Variants in RAB37 observed in about 807,000 individuals in gnomAD.
The protein encoded by RAB37 is RAB37, member RAS oncogene family.
In RAB37, 29 loss-of-function variants were observed where a neutral mutation model predicts 33.1. That is an observed-to-expected ratio of 0.88 (90% CI 0.65 to 1.20). The LOEUF is 1.20. RAB37 is among the 50% of genes most tolerant of loss of function. The pLI is 0.00. For synonymous variants in RAB37, 128 were observed against 119.5 expected (o/e 1.07, Z -0.47); for missense variants, 299 against 301.1 (o/e 0.99, Z 0.05).
At position 74,745,235 on chromosome 17, in the gene RAB37, G is replaced by A; in HGVS notation, c.567-71G>A. 1.3e-6 allele frequency: 2 copies of A among 1,548,284 alleles called. No individual in the cohort carries two copies. The highest frequency in any genetic ancestry group is 1.8e-6 in the Non-Finnish European group (2 of 1,121,392). On this transcript the variant is annotated intron_variant, in intron 8 of 8. Transcript: ENST00000392613. The surrounding 1 kb of genome is among the most constrained non-coding windows in gnomAD (Gnocchi z 4.5). ...CTGGGAGCACTGGGCCACTGGGAGA[G>A]GGGAGGGGGCGGCTCAGCTCCTCAC...
At chr17:74,707,333 C>A (rs368188829) in intron 1 of RAB37, among the ~76,000 whole-genome samples, 8 of 152,136 alleles carry the variant, frequency 5.3e-5, no homozygotes, top group African/African-American at 1.9e-4. Context: ...GGAATCTGAC[C>A]AGATATTTCT....
rs1426042066 is a variant in RAB37 at position 74,738,992 on chromosome 17, GT to G, written c.93+1629del. ...ACTATGGAAACCATGCCACAGAAAG[GT>G]TAAGGAATCTTCCTAAAGTCACACA... On this transcript the variant is annotated intron_variant, in intron 1 of 8. Transcript: ENST00000392613. This position sits in a 1 kb window ranked among gnomAD's most constrained non-coding sequence, Gnocchi z 5.0. Among the ~76,000 whole-genome samples the G allele has an allele frequency of 1.3e-5, 2 of 152,136 alleles. No individual in the cohort carries two copies. Among genetic ancestry groups the G allele is most frequent in the East Asian group, 3.8e-4 (2 of 5,196 alleles).
intron 1 of RAB37, among the ~76,000 whole-genome samples, chr17:74,712,458 T>C (rs537045962): frequency 3.9e-5 from 6 of 152,318 alleles, no homozygotes; most frequent in African/African-American, 1.4e-4. Flanking sequence ...ACGCCTGCCC[T>C]TGCTCAGAAC....
At chr17:74,713,107 T>A in intron 1 of RAB37, 1 of 492,698 alleles carries the variant, frequency 2.0e-6, no homozygotes, top group Non-Finnish European at 3.7e-6. Context: ...GAGTTCAAGA[T>A]CAGCCTGGCC....
At chr17:74,722,650 T>C (rs900010610) in intron 1 of RAB37, among the ~76,000 whole-genome samples, 2 of 152,186 alleles carry the variant, frequency 1.3e-5, no homozygotes, top group African/African-American at 4.8e-5. Context: ...TACACAAAAA[T>C]ATATCAACCT....
chr17:74,737,089 G>A (rs747896591), upstream of RAB37: 5 of 1,605,616 alleles, frequency 3.1e-6, no homozygotes, highest in Non-Finnish European at 4.2e-6. Context: ...CAGACCCTGC[G>A]GCTCTGCGTG....
At chr17:74,718,420 A>G (rs564821993) in intron 1 of RAB37, among the ~76,000 whole-genome samples, 1 of 151,048 alleles carries the variant, frequency 6.6e-6, no homozygotes, top group South Asian at 2.1e-4. Flanking sequence ...TGGGTTAGAG[A>G]AAAAAAAAGG....
rs544948856 is a variant in RAB37 at position 74,730,540 on chromosome 17, C to G, written c.183+1174C>G. On this transcript the variant is annotated intron_variant, in intron 2 of 7. Transcript: ENST00000340415. The surrounding 1 kb of genome is among the most constrained non-coding windows in gnomAD (Gnocchi z 4.4). ...CCCAGGGCTCTCCCCAGACTGGGAC[C>G]GGCTGGGCTCTGGTAGTGCTGAATA... Among the ~76,000 whole-genome samples the G allele has an allele frequency of 6.6e-6, 1 of 152,142 alleles. No individual in the cohort carries two copies. The highest frequency in any genetic ancestry group is 6.5e-5 in the Admixed American group (1 of 15,282).
In RAB37 at chr17:74,744,204, A is replaced by C; in HGVS notation, c.367-104A>C. 9.4e-7 allele frequency: 1 copy of C among 1,066,698 alleles called. No individual in the cohort carries two copies. The allele number at this position is 1,066,698 out of a possible 1,614,324, so 66.1% of individuals were successfully genotyped here. ...GTACAGATGAGAGAACGCACAGGGT[A>C]TCGTGTTCAAGGTAGTGAGTAACTG... On this transcript the variant is annotated intron_variant, in intron 5 of 8. Transcript: ENST00000392613. The surrounding 1 kb of genome is among the most constrained non-coding windows in gnomAD (Gnocchi z 4.2).
chr17:74,711,308 C>T (rs2033945310), intron 1 of RAB37, among the ~76,000 whole-genome samples: 1 of 152,116 alleles, frequency 6.6e-6, no homozygotes, highest in African/African-American at 2.4e-5. Flanking sequence ...ACTCCCACTC[C>T]CAACACGACT....
intron 1 of RAB37, among the ~76,000 whole-genome samples, chr17:74,691,649 C>G (rs2032158905): frequency 6.6e-6 from 1 of 152,156 alleles, no homozygotes; most frequent in African/African-American, 2.4e-5. Context: ...CCCTGTGCGT[C>G]TAGCTTAATG....
intron 1 of RAB37, among the ~76,000 whole-genome samples, chr17:74,706,582 C>A (rs948137208): frequency 2.0e-5 from 3 of 152,066 alleles, no homozygotes; most frequent in African/African-American, 7.2e-5. Flanking sequence ...GCAAGAGAAT[C>A]GCTTGAACCC....
chr17:74,742,421 GA>G lies in RAB37; in HGVS notation c.246+129del. On this transcript the variant is annotated intron_variant, in intron 3 of 8. Coordinates refer to ENST00000392613, the MANE Select transcript of RAB37 (RefSeq NM_001006638.3). This position sits in a 1 kb window ranked among gnomAD's most constrained non-coding sequence, Gnocchi z 4.0. ...CAATTTCCTGTGGGGCCCACGGGAG[GA>G]AATGGCTTTTGTTTATTTGACATCT... 3 of 704,534 alleles carry G rather than the reference GA, an allele frequency of 4.3e-6. No homozygotes were observed. The highest frequency in any genetic ancestry group is 7.2e-6 in the Non-Finnish European group (3 of 415,688). 43.6% of individuals were successfully genotyped at this position (704,534 alleles called of 1,614,324 possible). A position where few individuals can be genotyped will look rare whatever the true frequency, so the allele number is the denominator to read the frequency against.
In RAB37 at chr17:74,729,282, G is replaced by A. The variant is rs980143529; in HGVS notation, c.99G>A (p.Val33=). ...CCATCCTGGTGGGTGACAGTGGTGT[G>A]GGAAAGACGTCTCTGCTGGTTCAGT... The change falls in exon 2 of 8, where the codon GTG becomes GTA. Residue 33 remains valine (V), a synonymous_variant. Coordinates refer to the RAB37 transcript ENST00000340415. This position sits in a 1 kb window ranked among gnomAD's most constrained non-coding sequence, Gnocchi z 4.2. 1.9e-6 allele frequency: 3 copies of A among 1,613,946 alleles called. No individual in the cohort carries two copies. Among genetic ancestry groups the A allele is most frequent in the Non-Finnish European group, 2.5e-6 (3 of 1,179,982 alleles).
At position 74,740,757 on chromosome 17, in the gene RAB37, CT is replaced by C. The variant is rs756799914; in HGVS notation, c.94-10del. 2 of 1,601,942 alleles carry C rather than the reference CT, an allele frequency of 1.2e-6. No individual in the cohort carries two copies. The highest frequency in any genetic ancestry group is 2.7e-5 in the African/African-American group (2 of 74,648). Reference sequence around the variant, plus strand: ...GACTCCCCATTAACTGCCTCTGCCCCTACCCCCTAGGTGATGCTTCTGGGAG... The same window carrying C: ...GACTCCCCATTAACTGCCTCTGCCCCACCCCCTAGGTGATGCTTCTGGGAG... On this transcript the variant is annotated splice_polypyrimidine_tract_variant and intron_variant, in intron 1 of 8. Transcript: ENST00000392613.
chr17:74,743,901 G>T (rs917215041), intron 5 of RAB37, among the ~76,000 whole-genome samples: 1 of 152,128 alleles, frequency 6.6e-6, no homozygotes, highest in Non-Finnish European at 1.5e-5. Context: ...GAAAATCCAT[G>T]GCACTCATAC....
chr17:74,708,153 A>G (rs985825484), intron 1 of RAB37, among the ~76,000 whole-genome samples: 12 of 151,770 alleles, frequency 7.9e-5, no homozygotes, highest in Non-Finnish European at 1.8e-4. Flanking sequence ...ATCTCAAAAA[A>G]AAAAAAAAGA....
intron 1 of RAB37, among the ~76,000 whole-genome samples, chr17:74,712,309 A>G (rs987782261): frequency 1.1e-4 from 16 of 152,106 alleles, no homozygotes; most frequent in African/African-American, 4.8e-5. Flanking sequence ...TGCCAGTCTT[A>G]TCTCCTCTTG....
chr17:74,731,629 T>A (rs1011839679), intron 2 of RAB37, among the ~76,000 whole-genome samples: 3 of 152,152 alleles, frequency 2.0e-5, no homozygotes, highest in Non-Finnish European at 4.4e-5. Context: ...CCACCACAGT[T>A]CAGGTCCTCC....
Sources: allele counts gnomAD v4.1 joint callset (sites outside exome capture counted in the v4.1 genomes callset), GRCh38; gene constraint gnomAD v4.1.1; non-coding constraint Gnocchi (gnomAD v3.1); transcripts MANE v1.5; gene names NCBI Gene and HGNC (gene_info 2026-07-23, HGNC 2026-07-21).